The following SUSD4 variants were observed in gnomAD, a reference collection of about 807,000 sequenced individuals.
The protein encoded by SUSD4 is sushi domain containing 4, also known as sushi domain-containing protein 4.
In SUSD4, 41 loss-of-function variants were observed where a neutral mutation model predicts 50.5. The observed-to-expected ratio is 0.81, with a 90% CI of 0.63 to 1.05. The LOEUF is 1.05. Among genes scored for constraint, SUSD4 ranks in the 50% least tolerant of loss-of-function variants. The probability of loss-of-function intolerance (pLI) is 0.00; values close to 1 mark genes in which losing one functional copy is unlikely to be tolerated. For missense variants in SUSD4, 580 were observed against 634.7 expected, an observed-to-expected ratio of 0.91 and a Z score of 0.93; for synonymous variants, 257 against 257.3, an observed-to-expected ratio of 1.00 and a Z score of 0.01.
intron 4 of SUSD4, among the ~76,000 whole-genome samples, chr1:223,267,795 CT>C (rs1442298397): frequency 6.6e-6 from 1 of 151,888 alleles, no homozygotes; most frequent in African/African-American, 2.4e-5. Context: ...CTCCTTCTCC[CT>C]CAAATTATGA....
intron 2 of SUSD4, among the ~76,000 whole-genome samples, chr1:223,353,703 G>C (rs1001376413): frequency 6.6e-6 from 1 of 152,154 alleles, no homozygotes; most frequent in Non-Finnish European, 1.5e-5. Context: ...CCGGAGGGCT[G>C]AGCACATTTT....
At chr1:223,317,144 C>G (rs1666245876) in intron 2 of SUSD4, among the ~76,000 whole-genome samples, 1 of 152,070 alleles carries the variant, frequency 6.6e-6, no homozygotes, top group Admixed American at 6.5e-5. Context: ...AGATATAGGT[C>G]ATAAAGACCT....
intron 3 of SUSD4, among the ~76,000 whole-genome samples, chr1:223,285,883 T>C (rs1664104299): frequency 6.6e-6 from 1 of 152,140 alleles, no homozygotes; most frequent in Non-Finnish European, 1.5e-5. Context: ...AAACTACCTA[T>C]GGGGTACTAG....
At chr1:223,316,988 A>G (rs1387335887) in intron 2 of SUSD4, among the ~76,000 whole-genome samples, 1 of 152,190 alleles carries the variant, frequency 6.6e-6, no homozygotes, top group Non-Finnish European at 1.5e-5. Flanking sequence ...ACCAGAGGTT[A>G]GGCTGATGGA....
intron 5 of SUSD4, among the ~76,000 whole-genome samples, chr1:223,247,062 T>C (rs554237069): frequency 2.0e-4 from 30 of 152,310 alleles, no homozygotes; most frequent in African/African-American, 7.0e-4. Context: ...TGACTGAGTA[T>C]TTTCATTCTT....
At chr1:223,357,244 T>C (rs1346615751) in intron 2 of SUSD4, among the ~76,000 whole-genome samples, 1 of 151,872 alleles carries the variant, frequency 6.6e-6, no homozygotes, top group African/African-American at 2.4e-5. Context: ...GATTTTCTTG[T>C]TGTTGTGTTG....
At chr1:223,223,935 G>C (rs1306858596) in intron 7 of SUSD4, among the ~76,000 whole-genome samples, 1 of 152,164 alleles carries the variant, frequency 6.6e-6, no homozygotes, top group African/African-American at 2.4e-5. Context: ...TGTGGGCTTT[G>C]GCCTTCTGGC....
chr1:223,269,640 A>G (rs1662770270), intron 3 of SUSD4, among the ~76,000 whole-genome samples: 1 of 152,178 alleles, frequency 6.6e-6, no homozygotes, highest in African/African-American at 2.4e-5. Flanking sequence ...TTTTATATGC[A>G]TACGTGTTTG....
intron 2 of SUSD4, among the ~76,000 whole-genome samples, chr1:223,359,993 T>C (rs1668883022): frequency 6.6e-6 from 1 of 152,114 alleles, no homozygotes; most frequent in Non-Finnish European, 1.5e-5. Flanking sequence ...AATCACGGCA[T>C]TGTCTTAGCC....
At chr1:223,228,089 C>A (rs1166544158) in intron 6 of SUSD4, among the ~76,000 whole-genome samples, 1 of 152,172 alleles carries the variant, frequency 6.6e-6, no homozygotes, top group Non-Finnish European at 1.5e-5. Context: ...CGAAATGGAC[C>A]AAGGGGTGGG....
chr1:223,256,901 C>T (rs936466563), intron 5 of SUSD4, among the ~76,000 whole-genome samples: 3 of 152,146 alleles, frequency 2.0e-5, no homozygotes, highest in African/African-American at 7.2e-5. Context: ...ACAGAGTGAC[C>T]TTGGGGAAGG....
At chr1:223,296,639 C>A (rs559822007) in intron 2 of SUSD4, among the ~76,000 whole-genome samples, 107 of 152,242 alleles carry the variant, frequency 7.0e-4, no homozygotes, top group Middle Eastern at 6.8e-3. Context: ...TGTGTCCCCA[C>A]CCAAATCTCA....
At position 223,330,784 on chromosome 1, in the gene SUSD4, C is replaced by T. The variant is rs749270352; in HGVS notation, c.148+32494G>A. Reference sequence around the variant, plus strand: ...GATTGCAGCATTTAGTTCCATGGCACTATTCACCATAGCTGGTGGGTTTCA... The same window carrying T: ...GATTGCAGCATTTAGTTCCATGGCATTATTCACCATAGCTGGTGGGTTTCA... On this transcript the variant is annotated intron_variant, in intron 2 of 8. Coordinates refer to ENST00000366878, the MANE Select transcript of SUSD4 (RefSeq NM_017982.4). Among the ~76,000 whole-genome samples the T allele has an allele frequency of 2.0e-5, 3 of 152,174 alleles. No individual in the cohort carries two copies. The East Asian group carries it at 5.8e-4, about 29-fold the overall frequency.
intron 3 of SUSD4, among the ~76,000 whole-genome samples, chr1:223,273,843 C>G (rs1183127208): frequency 6.6e-6 from 1 of 152,224 alleles, no homozygotes; most frequent in African/African-American, 2.4e-5. Context: ...AAGCTCATGT[C>G]TGGTGACTCC....
chr1:223,321,134 G>A (rs1309536068), intron 2 of SUSD4, among the ~76,000 whole-genome samples: 4 of 152,080 alleles, frequency 2.6e-5, no homozygotes, highest in Admixed American at 1.3e-4. Flanking sequence ...TCCACAAGAC[G>A]TGCCCACTCT....
chr1:223,278,375 G>A (rs1328239898), intron 3 of SUSD4, among the ~76,000 whole-genome samples: 3 of 152,166 alleles, frequency 2.0e-5, no homozygotes, highest in South Asian at 2.1e-4. Flanking sequence ...CTAATACTGC[G>A]CTTCTCAAAC....
At chr1:223,278,688 T>G (rs1262891498) in intron 3 of SUSD4, among the ~76,000 whole-genome samples, 1 of 152,222 alleles carries the variant, frequency 6.6e-6, no homozygotes, top group Non-Finnish European at 1.5e-5. Flanking sequence ...GACTTAAATG[T>G]CCCTGTCTGA....
intron 2 of SUSD4, among the ~76,000 whole-genome samples, chr1:223,297,599 A>G (rs548319924): frequency 6.6e-6 from 1 of 152,314 alleles, no homozygotes; most frequent in Admixed American, 6.5e-5. Flanking sequence ...ATCATCCAGG[A>G]CACAGCTGAA....
intron 4 of SUSD4, among the ~76,000 whole-genome samples, chr1:223,266,948 A>G (rs868340627): frequency 6.6e-6 from 1 of 152,190 alleles, no homozygotes; most frequent in East Asian, 1.9e-4. Flanking sequence ...GGGGTGCACT[A>G]GAGGGTAGGG....
Sources: gnomAD v4.1 joint callset for allele counts (sites outside exome capture counted in the v4.1 genomes callset) on GRCh38, gnomAD v4.1.1 for gene constraint, MANE v1.5 for transcripts, NCBI Gene and HGNC (gene_info 2026-07-23, HGNC 2026-07-21) for gene names.